The following KCNJ6 variants were observed in gnomAD, a reference collection of about 807,000 sequenced individuals.
The protein encoded by KCNJ6 is potassium inwardly rectifying channel subfamily J member 6.
In KCNJ6, 9 loss-of-function variants were observed where a neutral mutation model predicts 34.2. That is an observed-to-expected ratio of 0.26 (90% confidence interval 0.16 to 0.46). The LOEUF (loss-of-function observed/expected upper bound fraction) is 0.46. KCNJ6 is among the 20% of genes least tolerant of loss of function. The pLI is 1.00. For synonymous variants in KCNJ6, 196 were observed against 207.1 expected, an observed-to-expected ratio of 0.95 and a Z score of 0.46; for missense variants, 236 against 531.3, an observed-to-expected ratio of 0.44 and a Z score of 5.46.
intron 1 of KCNJ6, among the ~76,000 whole-genome samples, chr21:37,853,499 A>C (rs2055547589): frequency 6.6e-6 from 1 of 152,126 alleles, no homozygotes; most frequent in Admixed American, 6.5e-5. Flanking sequence ...AAACAAAGAG[A>C]ATTTGTCACC....
At chr21:37,834,775 A>G (rs2055443703) in intron 2 of KCNJ6, among the ~76,000 whole-genome samples, 1 of 152,252 alleles carries the variant, frequency 6.6e-6, no homozygotes, top group Non-Finnish European at 1.5e-5. Flanking sequence ...AATTCCCTCT[A>G]TATCAAAGCA....
At chr21:37,760,840 C>T (rs1489794496) in intron 2 of KCNJ6, among the ~76,000 whole-genome samples, 1 of 152,174 alleles carries the variant, frequency 6.6e-6, no homozygotes. Context: ...GACTGTTCTC[C>T]CTTCTCTTCA....
intron 3 of KCNJ6, among the ~76,000 whole-genome samples, chr21:37,649,157 A>AAAAAAAAAAAAC (rs755535850): frequency 9.0e-5 from 12 of 134,016 alleles, no homozygotes; most frequent in Admixed American, 2.4e-4. Flanking sequence ...AAAAAAAAGA[A>AAAAAAAAAAAAC]AGAAAAAGAA....
chr21:37,855,578 GCTTTC>G (rs113205963), intron 1 of KCNJ6, among the ~76,000 whole-genome samples: 11,519 of 152,230 alleles, frequency 0.076, 470 homozygotes, highest in South Asian at 0.13. Context: ...AGAAAAAATA[GCTTTC>G]CTTATGAAAT....
chr21:37,850,486 G>A (rs1471224870), intron 1 of KCNJ6, among the ~76,000 whole-genome samples: 1 of 152,106 alleles, frequency 6.6e-6, no homozygotes, highest in Non-Finnish European at 1.5e-5. Context: ...GAGGGATCTA[G>A]GTGGTGCACG....
intron 1 of KCNJ6, among the ~76,000 whole-genome samples, chr21:37,872,747 T>A (rs1332390134): frequency 1.3e-5 from 2 of 152,154 alleles, no homozygotes; most frequent in Non-Finnish European, 2.9e-5. Flanking sequence ...CCCACCCGAA[T>A]CTCATCTTGA....
intron 3 of KCNJ6, among the ~76,000 whole-genome samples, chr21:37,661,322 G>A (rs945075994): frequency 1.3e-5 from 2 of 152,076 alleles, no homozygotes; most frequent in Non-Finnish European, 2.9e-5. Flanking sequence ...TTAACAAAAC[G>A]GAAACAGCTT....
At chr21:37,899,089 C>A (rs1188189958) in intron 1 of KCNJ6, among the ~76,000 whole-genome samples, 1 of 152,088 alleles carries the variant, frequency 6.6e-6, no homozygotes, top group African/African-American at 2.4e-5. Flanking sequence ...GGCTTTCAAC[C>A]CTTTAATAAG....
At chr21:37,822,913 A>C (rs1205827664) in intron 2 of KCNJ6, among the ~76,000 whole-genome samples, 1 of 152,202 alleles carries the variant, frequency 6.6e-6, no homozygotes, top group Non-Finnish European at 1.5e-5. Flanking sequence ...AAGACTTTTC[A>C]GTCCTCATTC....
chr21:37,709,552 CT>C (rs1471771208), intron 3 of KCNJ6, among the ~76,000 whole-genome samples: 2 of 143,474 alleles, frequency 1.4e-5, no homozygotes, highest in Admixed American at 1.4e-4. Context: ...TATCAGGTGT[CT>C]TTTCTGGGTG....
At chr21:37,665,865 T>G (rs1709832) in intron 3 of KCNJ6, among the ~76,000 whole-genome samples, 87,683 of 151,970 alleles carry the variant, frequency 0.58, 25,551 homozygotes, top group East Asian at 0.85. Context: ...GAGGTTTGCT[T>G]GTTTAGTTAC....
chr21:37,661,614 G>GTTTTCTT (rs2054488657), intron 3 of KCNJ6, among the ~76,000 whole-genome samples: 1 of 71,172 alleles, frequency 1.4e-5, no homozygotes, highest in African/African-American at 5.4e-5. Flanking sequence ...AAGAGACATA[G>GTTTTCTT]TTTTTTTTTT....
intron 3 of KCNJ6, among the ~76,000 whole-genome samples, chr21:37,683,613 ATTTG>A (rs553202721): frequency 9.9e-4 from 150 of 152,210 alleles, no homozygotes; most frequent in Middle Eastern, 6.8e-3. Flanking sequence ...TGCTTAACAT[ATTTG>A]TTTGTTCGTT....
At position 37,609,407 on chromosome 21, in the gene KCNJ6, T is replaced by C. The variant is rs1334073147; in HGVS notation, c.*15752A>G. On this transcript the variant is annotated 3_prime_UTR_variant, in exon 4 of 4. Coordinates refer to ENST00000609713, the MANE Select transcript of KCNJ6 (RefSeq NM_002240.5). ...CGCATAGATTCAAAATTAAAGAGACTATTGAAACCTTGGCACTGCTAGAGA... is the reference window on the plus strand; with the variant it reads ...CGCATAGATTCAAAATTAAAGAGACCATTGAAACCTTGGCACTGCTAGAGA... 6.6e-6 allele frequency: 1 copy of C among 152,196 alleles called. No homozygotes were observed. Among genetic ancestry groups the C allele is most frequent in the African/African-American group, 2.4e-5 (1 of 41,442 alleles). 9.4% of individuals were successfully genotyped at this position (152,196 alleles called of 1,614,324 possible). A position where few individuals can be genotyped will look rare whatever the true frequency, so the allele number is the denominator to read the frequency against.
intron 2 of KCNJ6, among the ~76,000 whole-genome samples, chr21:37,755,330 T>A (rs2055018636): frequency 6.6e-6 from 1 of 152,072 alleles, no homozygotes; most frequent in South Asian, 2.1e-4. Context: ...CAAACACACA[T>A]GCAAAAGCTT....
At chr21:37,668,854 C>A (rs2054529241) in intron 3 of KCNJ6, among the ~76,000 whole-genome samples, 2 of 152,098 alleles carry the variant, frequency 1.3e-5, no homozygotes, top group Non-Finnish European at 2.9e-5. Context: ...ATATTTTATC[C>A]CAAAATAGGT....
At chr21:37,836,438 A>G (rs750240801) in intron 2 of KCNJ6, among the ~76,000 whole-genome samples, 11 of 152,236 alleles carry the variant, frequency 7.2e-5, no homozygotes, top group Non-Finnish European at 1.3e-4. Flanking sequence ...CCACATGCAC[A>G]CACGTGTTTA....
intron 2 of KCNJ6, among the ~76,000 whole-genome samples, chr21:37,769,104 G>A (rs908460393): frequency 2.6e-5 from 4 of 152,172 alleles, no homozygotes; most frequent in East Asian, 1.9e-4. Flanking sequence ...CAGATGCTGC[G>A]CACGGGGTGA....
intron 2 of KCNJ6, among the ~76,000 whole-genome samples, chr21:37,806,650 G>A (rs1490272162): frequency 6.6e-6 from 1 of 152,170 alleles, no homozygotes; most frequent in African/African-American, 2.4e-5. Flanking sequence ...AGTTGTGAAT[G>A]AAAAATTCAT....
Sources: allele counts gnomAD v4.1 joint callset (sites outside exome capture counted in the v4.1 genomes callset), GRCh38; gene constraint gnomAD v4.1.1; transcripts MANE v1.5; gene names NCBI Gene and HGNC (gene_info 2026-07-23, HGNC 2026-07-21).